ZNF567: variants seen among roughly 807,000 people sequenced by gnomAD.
ZNF567 encodes the protein zinc finger protein 567.
ZNF567 carries 36 observed loss-of-function variants against 53.9 expected under a neutral mutation model. That is an observed-to-expected ratio of 0.67 (90% CI 0.51 to 0.88). The LOEUF (loss-of-function observed/expected upper bound fraction) is 0.88. ZNF567 is among the 40% of genes least tolerant of loss of function. The pLI is 0.00. For missense variants in ZNF567, 619 were observed against 764.7 expected (o/e 0.81, Z 2.25); for synonymous variants, 224 against 260.4 (o/e 0.86, Z 1.35).
intron 3 of ZNF567, chr19:36,711,783 C>G (rs945832687): frequency 1.3e-5 from 2 of 152,264 alleles, no homozygotes; most frequent in Non-Finnish European, 2.9e-5. Flanking sequence ...TTACATGCCT[C>G]TGGTAACTTC....
chr19:36,670,810 T>C, the ZNF567 span, among the ~76,000 whole-genome samples: 1 of 152,144 alleles, frequency 6.6e-6, no homozygotes, highest in African/African-American at 2.4e-5. Context: ...TTCCACGAGA[T>C]ACTGCACTGG....
chr19:36,721,744 C>CTTTTTT (rs5827963), downstream of ZNF567, among the ~76,000 whole-genome samples: 1 of 101,484 alleles, frequency 9.9e-6, no homozygotes, highest in African/African-American at 4.0e-5. Context: ...TTTTTTTTTT[C>CTTTTTT]TTTTTTTTTT....
upstream of ZNF567, among the ~76,000 whole-genome samples, chr19:36,683,250 T>G (rs2038214475): frequency 6.6e-6 from 1 of 152,004 alleles, no homozygotes; most frequent in Admixed American, 6.6e-5. Flanking sequence ...TTTTGTATTT[T>G]TAGTAGATAC....
intron 5 of ZNF567, 58 bp from the exon 6 acceptor site, chr19:36,718,890 C>G: frequency 7.1e-7 from 1 of 1,402,468 alleles, no homozygotes; most frequent in South Asian, 1.5e-5. Context: ...AGTAAAATTT[C>G]TTTGCATAGG....
At chr19:36,711,216 A>G (rs965262174) in intron 3 of ZNF567, 1 of 152,228 alleles carries the variant, frequency 6.6e-6, no homozygotes, top group African/African-American at 2.4e-5. Flanking sequence ...GATTACAGGC[A>G]CCCACCACCA....
At chr19:36,695,096 G>C (rs926118942) in intron 3 of ZNF567, among the ~76,000 whole-genome samples, 3 of 151,806 alleles carry the variant, frequency 2.0e-5, no homozygotes, top group Non-Finnish European at 2.9e-5. Context: ...AATCAGGCCA[G>C]GCATGGTGGC....
chr19:36,700,211 A>G (rs1302802969), intron 3 of ZNF567, among the ~76,000 whole-genome samples: 1 of 148,426 alleles, frequency 6.7e-6, no homozygotes, highest in Non-Finnish European at 1.5e-5. Context: ...TTCTGTTTAT[A>G]TGCTGGATTA....
chr19:36,690,932 C>G (rs1054026548), intron 2 of ZNF567, among the ~76,000 whole-genome samples: 1 of 152,182 alleles, frequency 6.6e-6, no homozygotes, highest in African/African-American at 2.4e-5. Flanking sequence ...ATAATAGGAC[C>G]TACCTCACTC....
At chr19:36,676,052 C>T in the ZNF567 span, among the ~76,000 whole-genome samples, 59 of 97,102 alleles carry the variant, frequency 6.1e-4, no homozygotes, top group African/African-American at 2.1e-3. Flanking sequence ...TATTATTCTA[C>T]ACCTTTTTTT....
At chr19:36,710,501 T>G (rs1325669679) in intron 3 of ZNF567, among the ~76,000 whole-genome samples, 1 of 152,152 alleles carries the variant, frequency 6.6e-6, no homozygotes, top group Non-Finnish European at 1.5e-5. Context: ...GAATTATTAT[T>G]ATTTTTAGTA....
At chr19:36,669,528 G>A in the ZNF567 span, 2 of 152,114 alleles carry the variant, frequency 1.3e-5, no homozygotes, top group Non-Finnish European at 2.9e-5. Context: ...TAGTTTGGTG[G>A]CAGCACTTTG....
At chr19:36,678,833 A>G in the ZNF567 span, among the ~76,000 whole-genome samples, 1 of 146,656 alleles carries the variant, frequency 6.8e-6, no homozygotes, top group Admixed American at 6.9e-5. Context: ...CCTAGGTGAC[A>G]GAGTGAGACT....
At chr19:36,696,372 A>G (rs1207814562) in intron 3 of ZNF567, among the ~76,000 whole-genome samples, 1 of 152,096 alleles carries the variant, frequency 6.6e-6, no homozygotes, top group Non-Finnish European at 1.5e-5. Context: ...AGTAATTTTG[A>G]TTCTAAACCT....
At chr19:36,696,750 C>G (rs2038910449) in intron 3 of ZNF567, among the ~76,000 whole-genome samples, 1 of 152,218 alleles carries the variant, frequency 6.6e-6, no homozygotes, top group African/African-American at 2.4e-5. Flanking sequence ...CAAGGGCTCA[C>G]CCCAATGCTT....
downstream of ZNF567, among the ~76,000 whole-genome samples, chr19:36,722,963 A>T (rs1016024001): frequency 6.7e-6 from 1 of 149,760 alleles, no homozygotes; most frequent in Admixed American, 6.6e-5. Context: ...AAGATTTTTT[A>T]AAGTATACAT....
chr19:36,723,465 C>T (rs2040320717), downstream of ZNF567: 1 of 499,474 alleles, frequency 2.0e-6, no homozygotes, highest in Non-Finnish European at 3.6e-6. Flanking sequence ...TACATATATT[C>T]ATGTTTTATA....
chr19:36,724,225 C>T (rs928914282), downstream of ZNF567, among the ~76,000 whole-genome samples: 5 of 151,480 alleles, frequency 3.3e-5, no homozygotes, highest in African/African-American at 1.2e-4. Context: ...AGGCTGGTCT[C>T]GAACATCCGA....
At position 36,716,941 on chromosome 19, in the gene ZNF567, T is replaced by C. The variant is rs554199586; in HGVS notation, c.224-2007T>C. Among the ~76,000 whole-genome samples the C allele has an allele frequency of 1.6e-4, 25 of 152,272 alleles. No homozygotes were observed. In the South Asian group the frequency reaches 5.2e-3, roughly 32 times the overall value. ...TCCGGGTTCAAGTAATGCTCCTGAC[T>C]CAGCCTCTGGAGTAGCTGGGAGTAC... is the stretch of plus-strand genomic sequence containing the variant. On this transcript the variant is annotated intron_variant, in intron 5 of 5. Transcript: ENST00000682579.
At chr19:36,699,848 T>C (rs1326200051) in intron 3 of ZNF567, among the ~76,000 whole-genome samples, 3 of 146,898 alleles carry the variant, frequency 2.0e-5, no homozygotes, top group Admixed American at 6.9e-5. Flanking sequence ...TTTCTAGATA[T>C]ACAATCATGT....
Sources: allele counts gnomAD v4.1 joint callset (sites outside exome capture counted in the v4.1 genomes callset), GRCh38; gene constraint gnomAD v4.1.1; transcripts MANE v1.5; gene names NCBI Gene and HGNC (gene_info 2026-07-23, HGNC 2026-07-21).